The following FOXP1 variants were observed in gnomAD, a reference collection of about 807,000 sequenced individuals.
FOXP1 encodes forkhead box P1.
A neutral mutation model predicts 98.2 loss-of-function variants in FOXP1; 15 were observed. The observed-to-expected ratio is 0.15, with a 90% CI of 0.10 to 0.24. The LOEUF is 0.24. Among genes scored for constraint, FOXP1 ranks in the 10% least tolerant of loss-of-function variants. The pLI is 1.00. For missense variants in FOXP1, 633 were observed against 848.5 expected (o/e 0.75, Z 3.15); for synonymous variants, 371 against 314.5 (o/e 1.18, Z -1.90).
intron 6 of FOXP1, among the ~76,000 whole-genome samples, chr3:71,113,763 G>GTAAAATAAAA (rs2058137986): frequency 5.3e-5 from 1 of 18,734 alleles, no homozygotes; most frequent in African/African-American, 1.3e-4. Context: ...AAAATAAAAG[G>GTAAAATAAAA]TCAAGTAAAA....
chr3:71,197,975 G>C (rs1270819090), intron 6 of FOXP1: 5 of 1,614,170 alleles, frequency 3.1e-6, no homozygotes, highest in Non-Finnish European at 4.2e-6. Context: ...CCCCACAAGG[G>C]GACCTGCAGG....
intron 2 of FOXP1, among the ~76,000 whole-genome samples, chr3:71,503,908 T>C (rs2041612246): frequency 6.6e-6 from 1 of 152,202 alleles, no homozygotes; most frequent in South Asian, 2.1e-4. Flanking sequence ...CAGCCACTAT[T>C]CCTGACTTTC....
At chr3:71,484,005 G>A (rs377316867) in intron 3 of FOXP1, among the ~76,000 whole-genome samples, 1 of 152,228 alleles carries the variant, frequency 6.6e-6, no homozygotes, top group African/African-American at 2.4e-5. Context: ...CTCGAATTTT[G>A]GTTCCCCTAA....
At chr3:71,500,922 T>A (rs2041288848) in intron 2 of FOXP1, among the ~76,000 whole-genome samples, 1 of 152,194 alleles carries the variant, frequency 6.6e-6, no homozygotes, top group Non-Finnish European at 1.5e-5. Context: ...CTAGGCACAG[T>A]GGCTCACATC....
At chr3:71,475,659 A>G (rs2106762808) in intron 3 of FOXP1, among the ~76,000 whole-genome samples, 1 of 152,264 alleles carries the variant, frequency 6.6e-6, no homozygotes, top group Non-Finnish European at 1.5e-5. Context: ...CCTGGCCAAC[A>G]TGGTGAAACT....
At chr3:71,190,553 A>C (rs2062906383) in intron 6 of FOXP1, among the ~76,000 whole-genome samples, 3 of 150,832 alleles carry the variant, frequency 2.0e-5, no homozygotes, top group African/African-American at 7.3e-5. Flanking sequence ...CGGGGAGGTA[A>C]AGCCTTCAGT....
At chr3:71,409,201 C>T (rs1379286716) in intron 3 of FOXP1, among the ~76,000 whole-genome samples, 2 of 152,150 alleles carry the variant, frequency 1.3e-5, no homozygotes, top group Non-Finnish European at 2.9e-5. Context: ...TAAGTAAAAA[C>T]AGCACATTCC....
chr3:71,148,576 T>C (rs150624646), intron 6 of FOXP1, among the ~76,000 whole-genome samples: 187 of 152,336 alleles, frequency 1.2e-3, no homozygotes, highest in African/African-American at 3.7e-3. Context: ...AACTGAAGCA[T>C]ACTAAGGCAA....
intron 1 of FOXP1, chr3:71,582,296 G>C: frequency 1.0e-6 from 1 of 978,172 alleles, no homozygotes; most frequent in Non-Finnish European, 1.2e-6. Flanking sequence ...GGAGGGAGGC[G>C]GGAGGCGGGG....
chr3:71,456,502 GTT>G (rs2087521431), intron 3 of FOXP1, among the ~76,000 whole-genome samples: 2 of 152,220 alleles, frequency 1.3e-5, no homozygotes, highest in African/African-American at 4.8e-5. Flanking sequence ...TGTTTTACAT[GTT>G]CCCCTTGAGG....
chr3:71,534,021 A>T (rs1300511857), intron 2 of FOXP1, among the ~76,000 whole-genome samples: 1 of 152,216 alleles, frequency 6.6e-6, no homozygotes, highest in Non-Finnish European at 1.5e-5. Context: ...AGAACCCGTA[A>T]GTAGACCAAA....
intron 6 of FOXP1, among the ~76,000 whole-genome samples, chr3:71,114,617 C>T (rs971706030): frequency 1.3e-5 from 2 of 152,222 alleles, no homozygotes; most frequent in Admixed American, 6.5e-5. Context: ...CATCCACCCC[C>T]GTGTCCCAGG....
chr3:71,483,923 A>G (rs950080636), intron 3 of FOXP1, among the ~76,000 whole-genome samples: 1 of 152,212 alleles, frequency 6.6e-6, no homozygotes, highest in Admixed American at 6.5e-5. Context: ...CACCATTAAA[A>G]GCTCATTTTT....
chr3:71,199,667 G>C lies in FOXP1; in HGVS notation c.-11-1275C>G, dbSNP rs554855516. ...AGGCATGAGAATTGCTTGAACCTAG[G>C]GGGTGGAGGTTGCAGTGAGCCAAGA... On this transcript the variant is annotated intron_variant, in intron 5 of 20. Transcript: ENST00000649528. Among the ~76,000 whole-genome samples the C allele has an allele frequency of 2.1e-3, 314 of 152,028 alleles. 2 individuals carry two copies. Among genetic ancestry groups the C allele is most frequent in the Middle Eastern group, 6.9e-3 (2 of 290 alleles).
chr3:71,410,115 G>T (rs2082627386), intron 3 of FOXP1, among the ~76,000 whole-genome samples: 1 of 152,144 alleles, frequency 6.6e-6, no homozygotes, highest in South Asian at 2.1e-4. Flanking sequence ...TGTAAAATAT[G>T]GCCAAGAACA....
intron 9 of FOXP1, among the ~76,000 whole-genome samples, chr3:71,049,130 G>A (rs899215940): frequency 6.6e-6 from 1 of 151,956 alleles, no homozygotes; most frequent in Non-Finnish European, 1.5e-5. Flanking sequence ...CAGTCCCCTC[G>A]GCAGGTCAGT....
intron 6 of FOXP1, among the ~76,000 whole-genome samples, chr3:71,174,130 T>C (rs1453248652): frequency 6.6e-6 from 1 of 152,220 alleles, no homozygotes. Context: ...GCTGCTTTCA[T>C]ATGGAGTATT....
intron 4 of FOXP1, among the ~76,000 whole-genome samples, chr3:71,352,888 A>T (rs192959192): frequency 6.6e-6 from 1 of 152,330 alleles, no homozygotes; most frequent in Admixed American, 6.5e-5. Flanking sequence ...AGGTACATAC[A>T]TACAGATAAA....
chr3:71,398,850 T>G (rs1370366029), intron 3 of FOXP1, among the ~76,000 whole-genome samples: 1 of 152,184 alleles, frequency 6.6e-6, no homozygotes, highest in Non-Finnish European at 1.5e-5. Context: ...GGAAATACAA[T>G]GCAAAATAAG....
Sources: gnomAD v4.1 joint callset for allele counts (sites outside exome capture counted in the v4.1 genomes callset) on GRCh38, gnomAD v4.1.1 for gene constraint, MANE v1.5 for transcripts, NCBI Gene and HGNC (gene_info 2026-07-23, HGNC 2026-07-21) for gene names.